Variants in SLC38A11 observed in about 807,000 individuals in gnomAD.
The protein encoded by SLC38A11 is solute carrier family 38 member 11.
SLC38A11 carries 51 observed loss-of-function variants against 49.4 expected under a neutral mutation model. The ratio of observed to expected loss-of-function variants is 1.03; its 90% CI spans 0.83 to 1.30. SLC38A11 has a LOEUF of 1.30. Ranked by LOEUF, SLC38A11 falls within the 50% of genes most tolerant of loss-of-function variation. The pLI is 0.00. For synonymous variants in SLC38A11, 203 were observed against 192.9 expected, an observed-to-expected ratio of 1.05 and a Z score of -0.43; for missense variants, 574 against 556.2, an observed-to-expected ratio of 1.03 and a Z score of -0.32.
In SLC38A11 at chr2:164,898,329, T is replaced by A. The variant is rs916175776; in HGVS notation, c.*108A>T. The A allele has an allele frequency of 1.1e-6, 1 of 883,306 alleles. No homozygotes were observed. The highest frequency in any genetic ancestry group is 1.7e-5 in the African/African-American group (1 of 58,404). 54.7% of individuals were successfully genotyped at this position (883,306 alleles called of 1,614,324 possible). ...ACTACTCATAAAAGCCAAGTCTTGA[T>A]AAAAGCCAAAATAATAATTTTATAT... is the stretch of plus-strand genomic sequence containing the variant. On this transcript the variant is annotated 3_prime_UTR_variant, in exon 12 of 12. Transcript: ENST00000685975.
chr2:164,911,627 C>T lies in SLC38A11; in HGVS notation c.963+9G>A, dbSNP rs752704396. 1.6e-5 allele frequency: 23 copies of T among 1,469,002 alleles called. No individual in the cohort carries two copies. Among genetic ancestry groups the T allele is most frequent in the African/African-American group, 7.0e-5 (5 of 71,072 alleles). The allele number at this position is 1,469,002 out of a possible 1,614,324, so 91.0% of individuals were successfully genotyped here. A position where few individuals can be genotyped will look rare whatever the true frequency, so the allele number is the denominator to read the frequency against. On this transcript the variant is annotated intron_variant, in intron 10 of 11. Transcript: ENST00000685975. ...CCTGGGTAAAGCGTTGGGAAGGAACCGCGCTTACCTCTCTTGTCACAAAGC... is the reference window on the plus strand; with the variant it reads ...CCTGGGTAAAGCGTTGGGAAGGAACTGCGCTTACCTCTCTTGTCACAAAGC...
In SLC38A11 at chr2:164,946,106, C is replaced by A. The variant is rs188228820; in HGVS notation, c.230-379G>T. Among the ~76,000 whole-genome samples the A allele has an allele frequency of 3.7e-4, 57 of 152,206 alleles. 1 individual carries two copies. In the East Asian group the frequency reaches 8.1e-3, roughly 22 times the overall value. On this transcript the variant is annotated intron_variant, in intron 3 of 11. Coordinates refer to ENST00000685975, the MANE Select transcript of SLC38A11 (RefSeq NM_001351537.2). ...ATAGGATGTAGGTAATCAAATATTT[C>A]ATAAGTATTCAGTGTGTGAAGACTG...
intron 8 of SLC38A11, 61 bp from the exon 9 acceptor site, chr2:164,915,334 T>C (rs1685706760): frequency 1.4e-6 from 2 of 1,462,830 alleles, no homozygotes; most frequent in Non-Finnish European, 1.8e-6. Flanking sequence ...TTTTTAGTTC[T>C]GAAATTCAGA....
At chr2:164,924,941 G>C (rs1686463594) in intron 7 of SLC38A11, among the ~76,000 whole-genome samples, 1 of 152,016 alleles carries the variant, frequency 6.6e-6, no homozygotes, top group East Asian at 1.9e-4. Context: ...TGTATTTTTA[G>C]TAGAGACGGG....
chr2:164,908,994 T>C (rs1390539668), intron 10 of SLC38A11, among the ~76,000 whole-genome samples: 1 of 152,176 alleles, frequency 6.6e-6, no homozygotes, highest in Admixed American at 6.6e-5. Flanking sequence ...CAGTGGATTA[T>C]ATTACAGACC....
intron 11 of SLC38A11, among the ~76,000 whole-genome samples, chr2:164,903,261 T>A (rs1684781641): frequency 6.6e-6 from 1 of 152,174 alleles, no homozygotes; most frequent in African/African-American, 2.4e-5. Context: ...GGCTAATTCA[T>A]CTGGAACTGC....
At position 164,939,508 on chromosome 2, in the gene SLC38A11, G is replaced by C; in HGVS notation, c.479C>G (p.Ser160Cys). The stretch of plus-strand genomic sequence containing the variant: ...TAAAGGCAGAGTAAAGGTAACTGTG[G>C]AAAGTCCAATAATGAAGTGGCGACC... Reference protein sequence around the residue: ...FIGRHFIIGLSTVTFTLPLSL... With the variant: ...FIGRHFIIGLCTVTFTLPLSL... Residue 160 changes from serine (S) to cysteine (C), a missense_variant, in exon 6 of 12, where the codon TCC becomes TGC. Ser to Cys is a moderately radical substitution (Grantham distance 112, BLOSUM62 -1). Coordinates refer to ENST00000685975, the MANE Select transcript of SLC38A11 (RefSeq NM_001351537.2). 1 of 1,610,834 alleles carries C rather than the reference G, an allele frequency of 6.2e-7. No individual in the cohort carries two copies. Among genetic ancestry groups the C allele is most frequent in the Non-Finnish European group, 8.5e-7 (1 of 1,178,028 alleles).
intron 11 of SLC38A11, among the ~76,000 whole-genome samples, chr2:164,902,183 C>T (rs1684699872): frequency 6.6e-6 from 1 of 151,798 alleles, no homozygotes; most frequent in Non-Finnish European, 1.5e-5. Context: ...CACATGCTAC[C>T]ATGTCTGGGT....
At chr2:164,934,754 G>C (rs1271376518) in intron 7 of SLC38A11, among the ~76,000 whole-genome samples, 4 of 151,870 alleles carry the variant, frequency 2.6e-5, no homozygotes, top group Non-Finnish European at 5.9e-5. Flanking sequence ...AAACAGTTTG[G>C]TCTTACACAA....
rs765159886 is a variant in SLC38A11 at position 164,939,492 on chromosome 2, A to G, written c.495T>C (p.Thr165=). Reference sequence around the variant, plus strand: ...TATTTCGGTACAAGGATAAAGGCAGAGTAAAGGTAACTGTGGAAAGTCCAA... The same window carrying G: ...TATTTCGGTACAAGGATAAAGGCAGGGTAAAGGTAACTGTGGAAAGTCCAA... ...FIIGLSTVTF[T]LPLSLYRNIA... Residue 165 remains threonine (T), a synonymous_variant, in exon 6 of 12, where the codon ACT becomes ACC. Transcript: ENST00000685975. 1.2e-6 allele frequency: 2 copies of G among 1,611,122 alleles called. No individual in the cohort carries two copies. The highest frequency in any genetic ancestry group is 3.4e-5 in the Admixed American group (2 of 59,692).
chr2:164,945,752 G>A, intron 3 of SLC38A11, 25 bp from the exon 4 acceptor site: 1 of 1,593,858 alleles, frequency 6.3e-7, no homozygotes, highest in Non-Finnish European at 8.5e-7. Flanking sequence ...TCAATTAAAT[G>A]TCAGATTACA....
chr2:164,908,520 A>T (rs1487680502), intron 11 of SLC38A11, 120 bp downstream of exon 11: 2 of 883,088 alleles, frequency 2.3e-6, no homozygotes, highest in Non-Finnish European at 3.3e-6. Flanking sequence ...TTACAAACAT[A>T]TTTTGATTCC....
At chr2:164,928,510 G>A (rs1411890663) in intron 7 of SLC38A11, among the ~76,000 whole-genome samples, 1 of 152,112 alleles carries the variant, frequency 6.6e-6, no homozygotes, top group African/African-American at 2.4e-5. Flanking sequence ...GCTGAGTAAT[G>A]GGTATATAGT....
rs199668861 is a variant in SLC38A11, at chr2:164,915,222, G to A, written c.740C>T (p.Pro247Leu). Residue 247 changes from proline (P) to leucine (L), a missense_variant, in exon 9 of 12, where the codon CCC becomes CTC. By Grantham distance (98) the Pro-to-Leu change is moderately conservative (BLOSUM62 -3). Transcript: ENST00000685975. ...SFLVYSSLEE[P>L]TVAKWSRLIH... ...AAGGCGGGACCACTTAGCTACTGTG[G>A]GTTCTTCTAGAGAACTGTAAACTAA... 1.2e-6 allele frequency: 2 copies of A among 1,611,560 alleles called. No individual in the cohort carries two copies. The highest frequency in any genetic ancestry group is 2.7e-5 in the African/African-American group (2 of 74,704).
intron 11 of SLC38A11, among the ~76,000 whole-genome samples, chr2:164,903,763 A>T (rs1419879370): frequency 6.6e-6 from 1 of 152,188 alleles, no homozygotes; most frequent in African/African-American, 2.4e-5. Flanking sequence ...AAGATGGGAC[A>T]GTTCTTATTA....
chr2:164,918,964 C>A (rs1404761825), intron 7 of SLC38A11, among the ~76,000 whole-genome samples: 1 of 151,996 alleles, frequency 6.6e-6, no homozygotes, highest in Non-Finnish European at 1.5e-5. Flanking sequence ...GACTCAATAT[C>A]ATATAAACAT....
At chr2:164,905,214 T>A (rs1170563521) in intron 11 of SLC38A11, among the ~76,000 whole-genome samples, 1 of 151,974 alleles carries the variant, frequency 6.6e-6, no homozygotes, top group Non-Finnish European at 1.5e-5. Context: ...GCCTCCTGGG[T>A]TCAAGCAATT....
At chr2:164,928,496 C>G (rs1052916123) in intron 7 of SLC38A11, among the ~76,000 whole-genome samples, 2 of 152,150 alleles carry the variant, frequency 1.3e-5, no homozygotes, top group African/African-American at 4.8e-5. Flanking sequence ...TTGTTAGACA[C>G]TTTGCTGAGT....
At chr2:164,938,422 G>A (rs1481519452) in intron 6 of SLC38A11, among the ~76,000 whole-genome samples, 3 of 151,944 alleles carry the variant, frequency 2.0e-5, no homozygotes, top group Non-Finnish European at 4.4e-5. Context: ...GGGCATTTAG[G>A]AAAAAATGCT....
Sources: allele counts gnomAD v4.1 joint callset (sites outside exome capture counted in the v4.1 genomes callset), GRCh38; gene constraint gnomAD v4.1.1; transcripts MANE v1.5; gene names NCBI Gene and HGNC (gene_info 2026-07-23, HGNC 2026-07-21).